The following ATPAF1 variants were observed in gnomAD, a reference collection of about 807,000 sequenced individuals.
ATPAF1 encodes the protein homolog of yeast ATP11.
In ATPAF1, 26 loss-of-function variants were observed where a neutral mutation model predicts 43.9. That is an observed-to-expected ratio of 0.59 (90% CI 0.43 to 0.82). The LOEUF (loss-of-function observed/expected upper bound fraction) is 0.82, where lower values mean the gene tolerates loss of function less well. Among genes scored for constraint, ATPAF1 ranks in the 40% least tolerant of loss-of-function variants. The pLI is 0.00. For synonymous variants in ATPAF1, 157 were observed against 168.0 expected, an observed-to-expected ratio of 0.93 and a Z score of 0.50; for missense variants, 366 against 435.0, an observed-to-expected ratio of 0.84 and a Z score of 1.41.
At chr1:46,650,465 T>G (rs675731) in intron 6 of ATPAF1, among the ~76,000 whole-genome samples, 21,299 of 151,914 alleles carry the variant, frequency 0.14, 3,826 homozygotes, top group African/African-American at 0.4. Context: ...CATTATGAAG[T>G]TTCCTCAAAA....
chr1:46,651,880 CAG>C (rs1204574175), intron 6 of ATPAF1, among the ~76,000 whole-genome samples: 1 of 152,040 alleles, frequency 6.6e-6, no homozygotes, highest in African/African-American at 2.4e-5. Flanking sequence ...AGGAAATGAA[CAG>C]ACACTTCTCA....
At chr1:46,634,867 T>C (rs551145876), downstream of ATPAF1, 2 of 152,680 alleles carry the variant, frequency 1.3e-5, no homozygotes, top group South Asian at 4.1e-4. Flanking sequence ...CCTGACACAA[T>C]GGACAGTACA....
exon 8 of ATPAF1, chr1:46,643,284 T>G: frequency 6.2e-7 from 1 of 1,613,298 alleles, no homozygotes; most frequent in Non-Finnish European, 8.5e-7. Context: ...GCTGGCTGGC[T>G]GCAGCTTCCC....
downstream of ATPAF1, chr1:46,634,986 A>G (rs1675810186): frequency 6.6e-6 from 1 of 152,586 alleles, no homozygotes; most frequent in African/African-American, 2.4e-5. Flanking sequence ...GCTTTCATCC[A>G]CTTTTTCGTA....
In ATPAF1 at chr1:46,668,288, G is replaced by A. The variant is rs1676529640; in HGVS notation, c.35C>T (p.Ala12Val). 1.4e-6 allele frequency: 2 copies of A among 1,380,710 alleles called. No individual in the cohort carries two copies. The highest frequency in any genetic ancestry group is 1.5e-5 in the African/African-American group (1 of 66,378). 85.5% of individuals were successfully genotyped at this position (1,380,710 alleles called of 1,614,324 possible). Reference sequence around the variant, plus strand: ...GGCCACCTGCAGGACCGCCGGTCCCGCGCCACCCGCAGCCGCCACCACCAC... The same window carrying A: ...GGCCACCTGCAGGACCGCCGGTCCCACGCCACCCGCAGCCGCCACCACCAC... The change falls in exon 1 of 9, where the codon GCG becomes GTG. Residue 12 changes from alanine to valine, a missense_variant. Ala to Val is a moderately conservative substitution (Grantham distance 64). Coordinates refer to ENST00000574428, the Ensembl canonical transcript of ATPAF1. This position sits in a 1 kb window ranked among gnomAD's most constrained non-coding sequence, Gnocchi z 4.4.
At chr1:46,634,785 A>C (rs1407946819), downstream of ATPAF1, 1 of 152,650 alleles carries the variant, frequency 6.6e-6, no homozygotes, top group African/African-American at 2.4e-5. Context: ...TCTGGAGAAC[A>C]ACTTTCTTAT....
At chr1:46,664,894 C>A in intron 2 of ATPAF1, 1 of 206,584 alleles carries the variant, frequency 4.8e-6, no homozygotes, top group Non-Finnish European at 9.8e-6. Context: ...AAGTCCCATT[C>A]CTTCCTCTCT....
chr1:46,643,266 T>C lies in ATPAF1; in HGVS notation c.720A>G (p.Leu240=), dbSNP rs1295732616. The C allele has an allele frequency of 3.7e-6, 6 of 1,613,660 alleles. No individual in the cohort carries two copies. The Admixed American group carries it at 5.0e-5, about 13-fold the overall frequency. ...CTTCCTTAAGTTCAGGATAGTGATA[T>C]AAAATCAGCTGGCTGGCTGCAGCTT... The change falls in exon 8 of 9, where the codon TTA becomes TTG. Residue 240 remains leucine (L), a synonymous_variant. Transcript: ENST00000574428.
chr1:46,643,392 G>C (rs949716760), intron 7 of ATPAF1, 91 bp from the exon 8 acceptor site: 7 of 986,370 alleles, frequency 7.1e-6, no homozygotes, highest in African/African-American at 1.6e-5. Flanking sequence ...GGAAATTCTG[G>C]CTCTTAACAG....
intron 4 of ATPAF1, 53 bp downstream of exon 4, chr1:46,658,074 G>A: frequency 1.3e-6 from 2 of 1,527,672 alleles, no homozygotes; most frequent in Non-Finnish European, 1.8e-6. Flanking sequence ...TTCAGATTTG[G>A]TTCACAGAAT....
intron 7 of ATPAF1, among the ~76,000 whole-genome samples, chr1:46,643,984 T>G (rs1028116667): frequency 6.6e-6 from 1 of 152,198 alleles, no homozygotes; most frequent in African/African-American, 2.4e-5. Flanking sequence ...TCTCTAAAAT[T>G]TCAGCGAGTC....
chr1:46,665,824 AG>A (rs1355863484), intron 1 of ATPAF1: 1 of 1,435,022 alleles, frequency 7.0e-7, no homozygotes, highest in Non-Finnish European at 9.1e-7. Flanking sequence ...CAGAGGCTTT[AG>A]GTAGCCTATT....
chr1:46,662,517 C>T (rs1676410038), intron 2 of ATPAF1, among the ~76,000 whole-genome samples: 1 of 151,446 alleles, frequency 6.6e-6, no homozygotes, highest in Admixed American at 6.6e-5. Context: ...ACCTCCGCCT[C>T]CCAGGTTCAA....
At chr1:46,641,908 A>C (rs1675957650) in intron 8 of ATPAF1, among the ~76,000 whole-genome samples, 1 of 152,078 alleles carries the variant, frequency 6.6e-6, no homozygotes. Flanking sequence ...TTTTAAGTAC[A>C]ATCTGTATGC....
At chr1:46,635,716 G>GTCTA in exon 9 of ATPAF1, 1 of 1,486,708 alleles carries the variant, frequency 6.7e-7, no homozygotes, top group Non-Finnish European at 9.1e-7. Flanking sequence ...CCTGAGGAGG[G>GTCTA]GGTGGGCTCT....
At chr1:46,658,259 T>A in intron 3 of ATPAF1, 70 bp from the exon 4 acceptor site, 1 of 1,203,980 alleles carries the variant, frequency 8.3e-7, no homozygotes, top group Non-Finnish European at 1.2e-6. Flanking sequence ...ACTCTATCTC[T>A]AAGCCTGTGG....
chr1:46,647,762 T>C (rs1676071360), intron 6 of ATPAF1, among the ~76,000 whole-genome samples: 1 of 152,252 alleles, frequency 6.6e-6, no homozygotes, highest in Admixed American at 6.5e-5. Context: ...TGTACCATTT[T>C]GCAATATGAC....
At chr1:46,643,130 G>T (rs2148816352) in intron 8 of ATPAF1, 64 bp downstream of exon 8, 1 of 1,316,696 alleles carries the variant, frequency 7.6e-7, no homozygotes, top group Non-Finnish European at 1.1e-6. Flanking sequence ...ATGAGCTTTG[G>T]CAGAAGAGTA....
chr1:46,637,630 G>A (rs922643657), intron 8 of ATPAF1, among the ~76,000 whole-genome samples: 24 of 152,038 alleles, frequency 1.6e-4, no homozygotes, highest in African/African-American at 4.3e-4. Flanking sequence ...TGATGAAGAC[G>A]GGTTTATAAA....
Sources: allele counts gnomAD v4.1 joint callset (sites outside exome capture counted in the v4.1 genomes callset), GRCh38; gene constraint gnomAD v4.1.1; non-coding constraint Gnocchi (gnomAD v3.1); transcripts MANE v1.5; gene names NCBI Gene and HGNC (gene_info 2026-07-23, HGNC 2026-07-21).